Variants in SLC24A2 observed in about 807,000 individuals in gnomAD.
The protein encoded by SLC24A2 is solute carrier family 24 member 2, also known as sodium/potassium/calcium exchanger 2.
In SLC24A2, 36 loss-of-function variants were observed where a neutral mutation model predicts 62.0. The ratio of observed to expected loss-of-function variants is 0.58; its 90% CI spans 0.44 to 0.77. SLC24A2 has a LOEUF of 0.77. Among genes scored for constraint, SLC24A2 ranks in the 30% least tolerant of loss-of-function variants. SLC24A2 has a pLI of 0.00. For missense variants in SLC24A2, 846 were observed against 817.9 expected (o/e 1.03, Z -0.42); for synonymous variants, 358 against 294.0 (o/e 1.22, Z -2.23).
intron 2 of SLC24A2, among the ~76,000 whole-genome samples, chr9:19,750,904 T>G (rs1821963981): frequency 6.6e-6 from 1 of 152,292 alleles, no homozygotes. Flanking sequence ...ACTCTGCTTT[T>G]GTCTGGCAAA....
the SLC24A2 span, among the ~76,000 whole-genome samples, chr9:19,796,343 C>CG: frequency 1.3e-5 from 2 of 152,084 alleles, no homozygotes; most frequent in African/African-American, 2.4e-5. Context: ...TTCATTTCCC[C>CG]TCACTGTTTT....
chr9:19,808,139 C>T, the SLC24A2 span, among the ~76,000 whole-genome samples: 1 of 152,112 alleles, frequency 6.6e-6, no homozygotes, highest in African/African-American at 2.4e-5. The surrounding 1 kb of genome is among the most constrained non-coding windows in gnomAD (Gnocchi z 4.1). Context: ...GCTTCAGGCA[C>T]CTAAGAAATA....
At chr9:20,016,767 A>T in the SLC24A2 span, among the ~76,000 whole-genome samples, 1 of 152,178 alleles carries the variant, frequency 6.6e-6, no homozygotes, top group Non-Finnish European at 1.5e-5. Context: ...GTAGAAAAAG[A>T]TAGGGGAGGA....
chr9:20,096,077 A>ATCCG, the SLC24A2 span, among the ~76,000 whole-genome samples: 1 of 145,802 alleles, frequency 6.9e-6, no homozygotes, highest in Non-Finnish European at 1.5e-5. Context: ...GTATCCATCC[A>ATCCG]TCCATCCATC....
At chr9:20,305,544 C>T in the SLC24A2 span, among the ~76,000 whole-genome samples, 1 of 152,074 alleles carries the variant, frequency 6.6e-6, no homozygotes, top group Non-Finnish European at 1.5e-5. Context: ...GTCTTAAACT[C>T]TTCAAAATGG....
chr9:20,074,583 A>AAGGAAGGT, the SLC24A2 span, among the ~76,000 whole-genome samples: 1 of 87,140 alleles, frequency 1.1e-5, no homozygotes, highest in African/African-American at 4.5e-5. Context: ...GGAAGGAAGG[A>AAGGAAGGT]AGGAAGGAAG....
At chr9:19,889,149 A>G in the SLC24A2 span, among the ~76,000 whole-genome samples, 1 of 152,212 alleles carries the variant, frequency 6.6e-6, no homozygotes, top group African/African-American at 2.4e-5. Flanking sequence ...CTACCACCCA[A>G]TCTCTGCACA....
the SLC24A2 span, among the ~76,000 whole-genome samples, chr9:20,179,963 T>C: frequency 3.3e-5 from 5 of 152,322 alleles, no homozygotes; most frequent in East Asian, 5.8e-4. Flanking sequence ...ACTGGTTATA[T>C]TGGTTCAACC....
the SLC24A2 span, among the ~76,000 whole-genome samples, chr9:20,271,484 A>C: frequency 2.6e-5 from 4 of 152,074 alleles, no homozygotes; most frequent in African/African-American, 9.7e-5. Flanking sequence ...TTTTCTGCTT[A>C]TACTCAACAG....
chr9:20,242,248 G>A, the SLC24A2 span, among the ~76,000 whole-genome samples: 1 of 152,222 alleles, frequency 6.6e-6, no homozygotes, highest in South Asian at 2.1e-4. Context: ...TTAGGTAGAA[G>A]AAGACTTGTA....
At chr9:19,572,119 A>C (rs1482602687) in intron 7 of SLC24A2, among the ~76,000 whole-genome samples, 1 of 151,922 alleles carries the variant, frequency 6.6e-6, no homozygotes, top group Admixed American at 6.6e-5. Flanking sequence ...TGCAAAAAAA[A>C]AAAATTAGCC....
the SLC24A2 span, among the ~76,000 whole-genome samples, chr9:20,030,191 G>A: frequency 6.6e-6 from 1 of 152,192 alleles, no homozygotes; most frequent in Non-Finnish European, 1.5e-5. Flanking sequence ...GACATTGAGT[G>A]ACTTGGCAAT....
chr9:20,219,387 A>C, the SLC24A2 span, among the ~76,000 whole-genome samples: 13 of 152,212 alleles, frequency 8.5e-5, no homozygotes, highest in Admixed American at 3.9e-4. Flanking sequence ...AGAAGAAAGC[A>C]AAGAGTGAGA....
At chr9:19,847,677 C>T in the SLC24A2 span, among the ~76,000 whole-genome samples, 1 of 152,194 alleles carries the variant, frequency 6.6e-6, no homozygotes, top group Non-Finnish European at 1.5e-5. Flanking sequence ...ATATATTTTG[C>T]TACCCGCACT....
chr9:19,961,244 G>A, the SLC24A2 span, among the ~76,000 whole-genome samples: 10 of 151,014 alleles, frequency 6.6e-5, no homozygotes, highest in Non-Finnish European at 1.5e-4. Context: ...TAAAAAAAAA[G>A]AAATCAGAAT....
chr9:19,786,830 C>T lies in SLC24A2; in HGVS notation c.37G>A (p.Glu13Lys). Residue 13 changes from glutamate to lysine, a missense_variant, in exon 2 of 11, where the codon GAG (glutamate) becomes AAG (lysine). Transcript: ENST00000341998. The surrounding 1 kb of genome is among the most constrained non-coding windows in gnomAD (Gnocchi z 5.0). ...LQQSTTITSL[E>K]KWCLDESLSG... ...AGTGACTCATCCAAACACCATTTCT[C>T]TAGGGAAGTGATGGTGGTGCTTTGT... 2 of 1,612,368 alleles carry T rather than the reference C, an allele frequency of 1.2e-6. No individual in the cohort carries two copies. The highest frequency in any genetic ancestry group is 1.7e-6 in the Non-Finnish European group (2 of 1,179,742).
At chr9:20,238,317 T>C in the SLC24A2 span, among the ~76,000 whole-genome samples, 1 of 152,174 alleles carries the variant, frequency 6.6e-6, no homozygotes, top group Non-Finnish European at 1.5e-5. Flanking sequence ...AGGCACCTTT[T>C]GCACAGTAAA....
intron 4 of SLC24A2, among the ~76,000 whole-genome samples, chr9:19,618,674 G>A (rs977151254): frequency 1.3e-5 from 2 of 152,102 alleles, no homozygotes; most frequent in African/African-American, 4.8e-5. Flanking sequence ...TAAGATCTCT[G>A]ATTCATACAA....
At chr9:19,971,552 G>C in the SLC24A2 span, among the ~76,000 whole-genome samples, 2 of 152,138 alleles carry the variant, frequency 1.3e-5, no homozygotes, top group Non-Finnish European at 2.9e-5. Context: ...AACCACTCAG[G>C]GAAAAGCAGT....
Sources: allele counts gnomAD v4.1 joint callset (sites outside exome capture counted in the v4.1 genomes callset), GRCh38; gene constraint gnomAD v4.1.1; non-coding constraint Gnocchi (gnomAD v3.1); transcripts MANE v1.5; gene names NCBI Gene and HGNC (gene_info 2026-07-23, HGNC 2026-07-21).